Variants in GON4L observed in about 807,000 individuals in gnomAD.
The protein encoded by GON4L is GON-4-like protein.
A neutral mutation model predicts 211.8 loss-of-function variants in GON4L; 87 were observed. The observed-to-expected ratio is 0.41, with a 90% CI of 0.35 to 0.49. The LOEUF is 0.49. Among genes scored for constraint, GON4L ranks in the 20% least tolerant of loss-of-function variants. The pLI, the probability that GON4L is intolerant of heterozygous loss-of-function variation, is 0.15. For synonymous variants in GON4L, 875 were observed against 962.6 expected, an observed-to-expected ratio of 0.91 and a Z score of 1.68; for missense variants, 2,155 against 2,659.5, an observed-to-expected ratio of 0.81 and a Z score of 4.17.
At chr1:155,807,703 CAAA>C (rs61248477) in intron 10 of GON4L, among the ~76,000 whole-genome samples, 16 of 52,886 alleles carry the variant, frequency 3.0e-4, no homozygotes, top group Non-Finnish European at 4.0e-4. Flanking sequence ...GACTCCGTCT[CAAA>C]AAAAAAAAAA....
At chr1:155,804,020 A>G (rs1666921473) in intron 11 of GON4L, among the ~76,000 whole-genome samples, 2 of 152,192 alleles carry the variant, frequency 1.3e-5, no homozygotes, top group Admixed American at 6.6e-5. Context: ...TTTCACTTGC[A>G]TCATGAAGAC....
At chr1:155,791,699 C>T (rs765723154) in intron 12 of GON4L, among the ~76,000 whole-genome samples, 2 of 151,854 alleles carry the variant, frequency 1.3e-5, no homozygotes, top group Non-Finnish European at 2.9e-5. Flanking sequence ...GAAACCCCGT[C>T]TCTACTAAAA....
At chr1:155,790,490 C>T (rs541218823) in intron 12 of GON4L, among the ~76,000 whole-genome samples, 19 of 152,226 alleles carry the variant, frequency 1.2e-4, no homozygotes, top group East Asian at 5.8e-4. Flanking sequence ...GATCCTCCTG[C>T]CTCAGCCTCC....
At chr1:155,804,816 T>C in intron 11 of GON4L, 133 bp downstream of exon 11, 1 of 742,386 alleles carries the variant, frequency 1.3e-6, no homozygotes, top group Non-Finnish European at 2.4e-6. Context: ...ACTACTGATT[T>C]AAGATAAATT....
chr1:155,824,123 C>A (rs1668965839), intron 3 of GON4L, among the ~76,000 whole-genome samples: 2 of 151,922 alleles, frequency 1.3e-5, no homozygotes, highest in East Asian at 3.9e-4. Flanking sequence ...TATCCAAATG[C>A]TCATCAAGAA....
chr1:155,748,900 G>C (rs1269936026), downstream of GON4L: 2 of 1,060,334 alleles, frequency 1.9e-6, no homozygotes, highest in East Asian at 4.9e-5. Context: ...CCTTAAAAAG[G>C]ATAAAAAGAA....
intron 6 of GON4L, among the ~76,000 whole-genome samples, chr1:155,818,633 C>G (rs1322902974): frequency 1.3e-5 from 2 of 152,170 alleles, no homozygotes; most frequent in African/African-American, 4.8e-5. Context: ...AATATGTAAT[C>G]TGGAACACTG....
chr1:155,824,018 C>T (rs1668954614), intron 3 of GON4L, among the ~76,000 whole-genome samples: 3 of 152,124 alleles, frequency 2.0e-5, no homozygotes, highest in Admixed American at 1.3e-4. Context: ...TATAAGCTAG[C>T]ATTTCCACCC....
At position 155,759,411 on chromosome 1, in the gene GON4L, A is replaced by G. The variant is rs142325714; in HGVS notation, c.5109+1033T>C. Among the ~76,000 whole-genome samples, 699 of 152,178 alleles carry G rather than the reference A, an allele frequency of 4.6e-3. 2 individuals carry two copies. The highest frequency in any genetic ancestry group is 6.1e-3 in the Non-Finnish European group (414 of 67,998). On this transcript the variant is annotated intron_variant, in intron 24 of 31. Transcript: ENST00000368331. ...ACATGGAGAAACCCCGTCTTTACTA[A>G]AAATACAAAATTAGCCAGGCGTGGT...
chr1:155,800,291 C>T (rs1211238074), intron 11 of GON4L, among the ~76,000 whole-genome samples: 2 of 152,188 alleles, frequency 1.3e-5, no homozygotes, highest in East Asian at 1.9e-4. Flanking sequence ...GGCGTGGTGG[C>T]TCACACCTGT....
intron 2 of GON4L, among the ~76,000 whole-genome samples, chr1:155,850,182 A>G (rs1557933318): frequency 1.3e-5 from 2 of 152,152 alleles, no homozygotes. Flanking sequence ...CACATCAACT[A>G]TGTGCAGGAC....
At chr1:155,767,752 T>G (rs1662685489) in intron 19 of GON4L, among the ~76,000 whole-genome samples, 1 of 152,182 alleles carries the variant, frequency 6.6e-6, no homozygotes, top group African/African-American at 2.4e-5. Context: ...AATCTCTATT[T>G]AAATATTTCA....
In GON4L at chr1:155,752,442, G is replaced by C. The variant is rs942978202; in HGVS notation, c.5991C>G (p.Asn1997Lys). The change falls in exon 30 of 32, where the codon AAC becomes AAG. Residue 1997 changes from asparagine (N) to lysine (K), a missense_variant. Asn to Lys is a moderately conservative substitution (Grantham distance 94). This residue lies in a region of GON4L where 186 missense variants were observed against 308.1 expected (regional missense o/e 0.60). Coordinates refer to ENST00000368331, the MANE Select transcript of GON4L (RefSeq NM_001282860.2). Reference sequence around the variant, plus strand: ...AGGAGCGAACCTCAGGCCCAACCTGGTTTCTCTTAACAGTGTACAGTACAG... The same window carrying C: ...AGGAGCGAACCTCAGGCCCAACCTGCTTTCTCTTAACAGTGTACAGTACAG... The part of the protein sequence containing the change: ...TGAVLYTVKR[N>K]QVGPEVRSCP... 42 of 1,571,154 alleles carry C rather than the reference G, an allele frequency of 2.7e-5. No individual in the cohort carries two copies. Among genetic ancestry groups the C allele is most frequent in the Non-Finnish European group, 3.2e-5 (37 of 1,158,014 alleles).
At chr1:155,760,386 A>T in intron 24 of GON4L, 58 bp downstream of exon 24, 1 of 1,070,932 alleles carries the variant, frequency 9.3e-7, no homozygotes, top group Non-Finnish European at 1.4e-6. Context: ...ACCCCATTCA[A>T]TCCCAGTCTC....
chr1:155,811,075 C>T lies in GON4L; in HGVS notation c.1452+2559G>A, dbSNP rs142322862. Among the ~76,000 whole-genome samples the T allele has an allele frequency of 1.3e-4, 20 of 151,800 alleles. No individual in the cohort carries two copies. The East Asian group carries it at 1.5e-3, about 12-fold the overall frequency. The stretch of plus-strand genomic sequence containing the variant: ...GAATTACAAAGTCATCATTTGACAA[C>T]GACCATAGTAAAGACTGTTTCAAGA... On this transcript the variant is annotated intron_variant, in intron 10 of 31. Transcript: ENST00000368331.
chr1:155,760,738 C>G, intron 23 of GON4L, 97 bp from the exon 24 acceptor site: 1 of 786,618 alleles, frequency 1.3e-6, no homozygotes, highest in Non-Finnish European at 2.2e-6. Flanking sequence ...TTAGAGAGCT[C>G]CAAGAATTAT....
chr1:155,748,572 T>C, downstream of GON4L: 1 of 1,613,336 alleles, frequency 6.2e-7, no homozygotes, highest in Non-Finnish European at 8.5e-7. Flanking sequence ...GCTGAGAAAA[T>C]GTCCTATAAC....
At chr1:155,762,052 T>C (rs995482170) in intron 23 of GON4L, 138 bp downstream of exon 23, 7 of 640,654 alleles carry the variant, frequency 1.1e-5, no homozygotes, top group Non-Finnish European at 1.9e-5. Flanking sequence ...AGAGATCTTT[T>C]GCCAGAAAAG....
intron 14 of GON4L, among the ~76,000 whole-genome samples, chr1:155,779,772 G>A (rs1175947167): frequency 1.3e-5 from 2 of 152,050 alleles, no homozygotes; most frequent in Non-Finnish European, 1.5e-5. Context: ...GTTAGGGTTG[G>A]GAACCTTAGA....
Sources: allele counts gnomAD v4.1 joint callset (sites outside exome capture counted in the v4.1 genomes callset), GRCh38; gene constraint gnomAD v4.1.1; regional missense constraint gnomAD v4.1.1; transcripts MANE v1.5; gene names NCBI Gene and HGNC (gene_info 2026-07-23, HGNC 2026-07-21).